Variants in IGF1R observed in about 807,000 individuals in gnomAD.
IGF1R encodes the protein insulin like growth factor 1 receptor, also known as insulin-like growth factor 1 receptor.
IGF1R carries 44 observed loss-of-function variants against 144.6 expected under a neutral mutation model. That is an observed-to-expected ratio of 0.30 (90% CI 0.24 to 0.39). The LOEUF is 0.39. Ranked by LOEUF, IGF1R falls within the 10% of genes least tolerant of loss-of-function variation. The pLI is 1.00. For synonymous variants in IGF1R, 795 were observed against 722.8 expected (o/e 1.10, Z -1.60); for missense variants, 1,355 against 1,833.7 (o/e 0.74, Z 4.77).
chr15:98,868,330 A>AAAAAAG (rs1409769970), intron 2 of IGF1R, among the ~76,000 whole-genome samples: 2 of 135,600 alleles, frequency 1.5e-5, no homozygotes, highest in Admixed American at 1.6e-4. Context: ...TTGTCTCCAA[A>AAAAAAG]AAAAAAAAAA....
intron 1 of IGF1R, among the ~76,000 whole-genome samples, chr15:98,674,541 A>T (rs776646285): frequency 4.7e-4 from 71 of 152,206 alleles, no homozygotes; most frequent in Middle Eastern, 3.2e-3. Flanking sequence ...CACTAGAATG[A>T]CTTCACATAT....
intron 2 of IGF1R, among the ~76,000 whole-genome samples, chr15:98,780,583 A>T (rs2141392507): frequency 1.6e-5 from 2 of 127,064 alleles, no homozygotes; most frequent in South Asian, 2.6e-4. Context: ...AAAGAGAGAG[A>T]GAGTAAATAA....
At chr15:98,712,694 C>T (rs1333630747) in intron 2 of IGF1R, among the ~76,000 whole-genome samples, 3 of 151,706 alleles carry the variant, frequency 2.0e-5, no homozygotes, top group Non-Finnish European at 2.9e-5. Flanking sequence ...TTGCAACCTC[C>T]GGGCTCCCAG....
At chr15:98,752,930 CTATTTTTTTTTTT>C (rs2055051321) in intron 2 of IGF1R, among the ~76,000 whole-genome samples, 1 of 130,420 alleles carries the variant, frequency 7.7e-6, no homozygotes, top group Non-Finnish European at 1.6e-5. Context: ...GAAAATCATA[CTATTTTTTTTTTT>C]TTTTTTTTTT....
rs1298034065 is a variant in IGF1R at position 98,960,884 on chromosome 15, CG to C, written c.*3443del. 4.3e-6 allele frequency: 1 copy of C among 233,762 alleles called. No individual in the cohort carries two copies. Among genetic ancestry groups the C allele is most frequent in the African/African-American group, 2.2e-5 (1 of 45,288 alleles). 14.5% of individuals were successfully genotyped at this position (233,762 alleles called of 1,614,324 possible). A position where few individuals can be genotyped will look rare whatever the true frequency, so the allele number is the denominator to read the frequency against. On this transcript the variant is annotated 3_prime_UTR_variant, in exon 21 of 21. Transcript: ENST00000650285. ...TCCGGCTGGAAAGCCCAGTGGCCGG[CG>C]CCGAGGCTCGTGGCGTCACGCCCCC... is the stretch of plus-strand genomic sequence containing the variant.
At chr15:98,878,247 G>A (rs2013162649) in intron 2 of IGF1R, among the ~76,000 whole-genome samples, 3 of 152,194 alleles carry the variant, frequency 2.0e-5, no homozygotes, top group Admixed American at 6.5e-5. Context: ...GTCCCTACGG[G>A]ACACAGGCCT....
Position 98,929,490 on chromosome 15 carries a change from T to C in IGF1R, c.2783-68T>C. On this transcript the variant is annotated intron_variant, in intron 13 of 20. Coordinates refer to ENST00000650285, the MANE Select transcript of IGF1R (RefSeq NM_000875.5). ...TATTTTTTTCATACTTCCAACTGAA[T>C]GTGAAGAAATGAAATGAGCAAATTG... 3 of 1,192,478 alleles carry C rather than the reference T, an allele frequency of 2.5e-6. No individual in the cohort carries two copies. In the East Asian group the frequency reaches 7.0e-5, roughly 28 times the overall value. The allele number at this position is 1,192,478 out of a possible 1,614,324, so 73.9% of individuals were successfully genotyped here.
chr15:98,904,999 G>C (rs1222566044), intron 5 of IGF1R, among the ~76,000 whole-genome samples: 1 of 152,188 alleles, frequency 6.6e-6, no homozygotes, highest in Non-Finnish European at 1.5e-5. Context: ...AGAAAAGCAG[G>C]GAAGGCACCC....
At chr15:98,733,866 C>T (rs1400507049) in intron 2 of IGF1R, among the ~76,000 whole-genome samples, 1 of 152,130 alleles carries the variant, frequency 6.6e-6, no homozygotes, top group East Asian at 1.9e-4. Flanking sequence ...TCTTCCATCC[C>T]CTTTCTCAAA....
At chr15:98,676,676 C>T (rs12899774) in intron 1 of IGF1R, among the ~76,000 whole-genome samples, 112,019 of 152,128 alleles carry the variant, frequency 0.74, 45,455 homozygotes, top group Non-Finnish European at 0.89. Flanking sequence ...AACACAAATT[C>T]ATTAGGTTTT....
In IGF1R at chr15:98,958,465, C is replaced by G. The variant is rs2151740835; in HGVS notation, c.*1023C>G. 4.3e-6 allele frequency: 1 copy of G among 231,772 alleles called. No homozygotes were observed. Among genetic ancestry groups the G allele is most frequent in the South Asian group, 1.8e-4 (1 of 5,498 alleles). 14.4% of individuals were successfully genotyped at this position (231,772 alleles called of 1,614,324 possible). On this transcript the variant is annotated 3_prime_UTR_variant, in exon 21 of 21. Transcript: ENST00000650285. ...GAAGGGGTTTCCAGGGACTCAGCCC[C>G]ACTGTTGATGCAGGTTTGCAAGGAA... is the stretch of plus-strand genomic sequence containing the variant.
At chr15:98,724,272 T>C (rs565725792) in intron 2 of IGF1R, among the ~76,000 whole-genome samples, 20 of 152,338 alleles carry the variant, frequency 1.3e-4, no homozygotes, top group Non-Finnish European at 2.8e-4. Flanking sequence ...TTAAGGAGTC[T>C]CAACTTTTCT....
intron 2 of IGF1R, among the ~76,000 whole-genome samples, chr15:98,849,392 A>G (rs2011460011): frequency 6.6e-6 from 1 of 152,206 alleles, no homozygotes; most frequent in Non-Finnish European, 1.5e-5. Flanking sequence ...TTCATACATT[A>G]TACCATGTAC....
chr15:98,804,584 C>T (rs1190348846), intron 2 of IGF1R, among the ~76,000 whole-genome samples: 3 of 152,288 alleles, frequency 2.0e-5, no homozygotes, highest in Admixed American at 1.3e-4. Context: ...GCAGCGCACA[C>T]ACAGCACCTG....
intron 20 of IGF1R, among the ~76,000 whole-genome samples, chr15:98,952,109 G>A (rs562976503): frequency 6.6e-6 from 1 of 152,172 alleles, no homozygotes; most frequent in East Asian, 1.9e-4. Context: ...CTGTGCCCTA[G>A]AGTAAAAGAT....
chr15:98,794,875 T>G (rs1392175959), intron 2 of IGF1R, among the ~76,000 whole-genome samples: 1 of 152,212 alleles, frequency 6.6e-6, no homozygotes, highest in Non-Finnish European at 1.5e-5. Context: ...ACTGCTGCTG[T>G]GGACTTGAGT....
In IGF1R at chr15:98,949,729, C is replaced by T. The variant is rs116140373; in HGVS notation, c.3722+1021C>T. Among the ~76,000 whole-genome samples the T allele has an allele frequency of 6.6e-4, 100 of 152,302 alleles. 1 individual carries two copies. The highest frequency in any genetic ancestry group is 3.4e-3 in the Middle Eastern group (1 of 294). The stretch of plus-strand genomic sequence containing the variant: ...TTTAGTCCTAAGTTTTGTCAGATGA[C>T]GAGAGAGAGTTTGTGATGCCTCACA... On this transcript the variant is annotated intron_variant, in intron 20 of 20. Coordinates refer to ENST00000650285, the MANE Select transcript of IGF1R (RefSeq NM_000875.5).
At chr15:98,700,087 G>A (rs540446278) in intron 1 of IGF1R, among the ~76,000 whole-genome samples, 40 of 152,200 alleles carry the variant, frequency 2.6e-4, no homozygotes, top group Non-Finnish European at 3.2e-4. Flanking sequence ...TGAAGTGTCA[G>A]TAGTGTTTGT....
intron 2 of IGF1R, among the ~76,000 whole-genome samples, chr15:98,870,596 A>G (rs1432121617): frequency 1.3e-5 from 2 of 152,146 alleles, no homozygotes; most frequent in East Asian, 1.9e-4. Context: ...CTAGGAGAGA[A>G]AAGATGTGCA....
Sources: gnomAD v4.1 joint callset for allele counts (sites outside exome capture counted in the v4.1 genomes callset) on GRCh38, gnomAD v4.1.1 for gene constraint, MANE v1.5 for transcripts, NCBI Gene and HGNC (gene_info 2026-07-23, HGNC 2026-07-21) for gene names.